Variants in DIP2C observed in about 807,000 individuals in gnomAD.
DIP2C encodes the protein disco-interacting protein 2 homolog C.
DIP2C carries 33 observed loss-of-function variants against 192.4 expected under a neutral mutation model. The ratio of observed to expected loss-of-function variants is 0.17; its 90% CI spans 0.13 to 0.23. The LOEUF is 0.23. Among genes scored for constraint, DIP2C ranks in the 10% least tolerant of loss-of-function variants. The pLI is 1.00. For synonymous variants in DIP2C, 979 were observed against 864.1 expected (o/e 1.13, Z -2.33); for missense variants, 1,537 against 2,110.1 (o/e 0.73, Z 5.32).
In DIP2C at chr10:369,518, C is replaced by T; in HGVS notation, c.2107G>A (p.Asp703Asn). The T allele has an allele frequency of 6.4e-7, 1 of 1,566,622 alleles. No homozygotes were observed. The stretch of plus-strand genomic sequence containing the variant: ...CCTCCAGGCATCACGAGGCCGACAT[C>T]CTGCACGGTGAGCACGGACAGCTTC... ...EEKLSVLTVQ[D>N]VGLVMPGAIM... Residue 703 changes from aspartate (D) to asparagine (N), a missense_variant, in exon 18 of 37, where the codon GAT (aspartate) becomes AAT (asparagine). Transcript: ENST00000280886.
intron 17 of DIP2C, among the ~76,000 whole-genome samples, chr10:382,313 C>A (rs1962443602): frequency 6.6e-6 from 1 of 152,172 alleles, no homozygotes; most frequent in East Asian, 1.9e-4. Context: ...CCCTATCCCA[C>A]CCCAGAAGAA....
intron 1 of DIP2C, among the ~76,000 whole-genome samples, chr10:562,254 A>AAC (rs1210818243): frequency 6.6e-6 from 1 of 152,170 alleles, no homozygotes; most frequent in Admixed American, 6.5e-5. Context: ...CCTGTTCACC[A>AAC]ACATCATCAG....
intron 1 of DIP2C, among the ~76,000 whole-genome samples, chr10:545,258 C>T (rs1404789146): frequency 6.7e-6 from 1 of 149,678 alleles, no homozygotes; most frequent in East Asian, 1.9e-4. Context: ...CCTCCGCCTC[C>T]CAGGTTCAAG....
chr10:349,199 C>A lies in DIP2C; in HGVS notation c.3109+132G>T, dbSNP rs958647692. 4.0e-4 allele frequency: 521 copies of A among 1,303,256 alleles called. 6 individuals carry two copies. Among genetic ancestry groups the A allele is most frequent in the Non-Finnish European group, 7.6e-5 (74 of 972,506 alleles). 80.7% of individuals were successfully genotyped at this position (1,303,256 alleles called of 1,614,324 possible). A position where few individuals can be genotyped will look rare whatever the true frequency, so the allele number is the denominator to read the frequency against. ...AGACACAAACGGGCTGGTTAGCATC[C>A]AGCTGGATACAGTGCAGACTCCCAG... On this transcript the variant is annotated intron_variant, in intron 25 of 36. Coordinates refer to ENST00000280886, the MANE Select transcript of DIP2C (RefSeq NM_014974.3).
intron 26 of DIP2C, among the ~76,000 whole-genome samples, chr10:347,464 T>G (rs1385050826): frequency 1.2e-5 from 1 of 84,902 alleles, no homozygotes; most frequent in African/African-American, 4.8e-5. Flanking sequence ...TCGCGCATAG[T>G]TCTCCCGGAA....
In DIP2C at chr10:366,934, CCAA is replaced by C. The variant is rs566013739; in HGVS notation, c.2132-526_2132-524del. On this transcript the variant is annotated intron_variant, in intron 18 of 36. Coordinates refer to ENST00000280886, the MANE Select transcript of DIP2C (RefSeq NM_014974.3). The stretch of plus-strand genomic sequence containing the variant: ...TGCCACCAACACTTTCATGCTTTGC[CCAA>C]CAACATCCTACATACCCCCCAACTG... 7.9e-5 allele frequency among the ~76,000 whole-genome samples: 12 copies of C among 152,316 alleles called. No homozygotes were observed. In the South Asian group the frequency reaches 1.0e-3, roughly 13 times the overall value.
At chr10:545,166 C>CCTTTTTTTTTTTTTTTTTTT in intron 1 of DIP2C, among the ~76,000 whole-genome samples, 1 of 86,342 alleles carries the variant, frequency 1.2e-5, no homozygotes, top group Non-Finnish European at 2.1e-5. Flanking sequence ...GGTGTTTTCC[C>CCTTTTTTTTTTTTTTTTTTT]TTTTTTTTTT....
intron 29 of DIP2C, among the ~76,000 whole-genome samples, chr10:333,756 C>A (rs1255307996): frequency 6.6e-6 from 1 of 152,216 alleles, no homozygotes; most frequent in African/African-American, 2.4e-5. Context: ...TTTCCACCTT[C>A]TTGGTTACTG....
At chr10:347,302 T>A (rs1415102032) in intron 26 of DIP2C, among the ~76,000 whole-genome samples, 1,915 of 25,986 alleles carry the variant, frequency 0.074, 3 homozygotes, top group East Asian at 0.11. Context: ...AACCCCACAC[T>A]CACCCAACCC....
In DIP2C at chr10:327,260, C is replaced by T. The variant is rs142893002; in HGVS notation, c.3754-84G>A. 2,113 of 1,472,182 alleles carry T rather than the reference C, an allele frequency of 1.4e-3. 23 individuals carry two copies. In the South Asian group the frequency reaches 0.016, roughly 11 times the overall value. 91.2% of individuals were successfully genotyped at this position (1,472,182 alleles called of 1,614,324 possible). ...AGAGACTCCTTCCCACAGATCCCCA[C>T]GTAAACATTGGAAAACTCAACACAG... On this transcript the variant is annotated intron_variant, in intron 30 of 36. Transcript: ENST00000280886.
At chr10:306,361 C>T (rs1956320150) in intron 32 of DIP2C, among the ~76,000 whole-genome samples, 1 of 152,160 alleles carries the variant, frequency 6.6e-6, no homozygotes, top group African/African-American at 2.4e-5. Context: ...TGTTCGACAA[C>T]TGACTTTCAC....
intron 1 of DIP2C, among the ~76,000 whole-genome samples, chr10:673,342 C>A (rs192903699): frequency 3.0e-4 from 45 of 152,194 alleles, no homozygotes; most frequent in Non-Finnish European, 5.1e-4. Flanking sequence ...GAGAGCAATG[C>A]TGTCTCCTGG....
At chr10:515,067 AAC>A (rs1846262175) in intron 1 of DIP2C, among the ~76,000 whole-genome samples, 1 of 152,242 alleles carries the variant, frequency 6.6e-6, no homozygotes, top group African/African-American at 2.4e-5. Flanking sequence ...CCATAATTTT[AAC>A]ACTTAGTGTT....
intron 1 of DIP2C, among the ~76,000 whole-genome samples, chr10:575,991 G>A (rs772697033): frequency 7.5e-4 from 114 of 152,174 alleles, no homozygotes; most frequent in Non-Finnish European, 1.5e-3. Flanking sequence ...TCCTGCACGT[G>A]GGTGCCAGTC....
intron 36 of DIP2C, among the ~76,000 whole-genome samples, chr10:278,225 G>A (rs1396097417): frequency 2.0e-5 from 3 of 148,038 alleles, no homozygotes; most frequent in African/African-American, 7.5e-5. Flanking sequence ...CTGTGCACCC[G>A]AGTCCAGCTC....
intron 10 of DIP2C, 30 bp downstream of exon 10, chr10:399,079 G>C (rs765108834): frequency 1.3e-6 from 2 of 1,576,164 alleles, no homozygotes; most frequent in Non-Finnish European, 1.7e-6. Flanking sequence ...CTCACTCAGC[G>C]AGAAACCGAG....
intron 17 of DIP2C, among the ~76,000 whole-genome samples, chr10:371,924 AT>A (rs1321711333): frequency 1.3e-5 from 2 of 152,178 alleles, no homozygotes; most frequent in East Asian, 1.9e-4. Context: ...AGGTACACTT[AT>A]TTTTGTTTTT....
At chr10:319,203 G>T (rs1480729507) in intron 31 of DIP2C, among the ~76,000 whole-genome samples, 1 of 152,214 alleles carries the variant, frequency 6.6e-6, no homozygotes. Flanking sequence ...GTGAGCCACC[G>T]CGCCTGGCTC....
chr10:362,813 C>A, intron 21 of DIP2C, 122 bp from the exon 22 acceptor site: 1 of 1,088,784 alleles, frequency 9.2e-7, no homozygotes, highest in South Asian at 1.9e-5. Flanking sequence ...CTGTTCCCAG[C>A]ATAAAAATGC....
Sources: gnomAD v4.1 joint callset for allele counts (sites outside exome capture counted in the v4.1 genomes callset) on GRCh38, gnomAD v4.1.1 for gene constraint, MANE v1.5 for transcripts, NCBI Gene and HGNC (gene_info 2026-07-23, HGNC 2026-07-21) for gene names.